Variants in C7orf78 observed in about 807,000 individuals in gnomAD.
C7orf78 encodes the protein chromosome 7 open reading frame 78, also known as putative uncharacterized protein C7orf78.
chr7:12,516,335 G>C, the C7orf78 span, among the ~76,000 whole-genome samples: 1 of 152,304 alleles, frequency 6.6e-6, no homozygotes, highest in African/African-American at 2.4e-5. Flanking sequence ...CAAGAACTGG[G>C]GTTTGGGAAC....
the C7orf78 span, among the ~76,000 whole-genome samples, chr7:12,493,130 A>G: frequency 6.6e-6 from 1 of 152,188 alleles, no homozygotes; most frequent in Admixed American, 6.5e-5. Flanking sequence ...TGATCCCAGG[A>G]GGTTGGAGTG....
At chr7:12,541,037 AAT>A in the C7orf78 span, 1 of 152,194 alleles carries the variant, frequency 6.6e-6, no homozygotes, top group East Asian at 1.9e-4. Flanking sequence ...ATTCTACAGA[AAT>A]CTGCACTCTC....
chr7:12,516,561 G>T, the C7orf78 span, among the ~76,000 whole-genome samples: 1 of 152,170 alleles, frequency 6.6e-6, no homozygotes, highest in African/African-American at 2.4e-5. Context: ...TAGATCCACT[G>T]ACAGCTTGCA....
chr7:12,489,587 G>C, the C7orf78 span, among the ~76,000 whole-genome samples: 1 of 152,002 alleles, frequency 6.6e-6, no homozygotes, highest in East Asian at 1.9e-4. Context: ...CATGATACTG[G>C]TCTAGGGCTT....
chr7:12,539,722 G>A, the C7orf78 span, among the ~76,000 whole-genome samples: 27 of 152,312 alleles, frequency 1.8e-4, no homozygotes, highest in Non-Finnish European at 2.2e-4. Flanking sequence ...AGGTGCTGCA[G>A]TCAAGGAGAT....
At chr7:12,492,281 T>C in the C7orf78 span, among the ~76,000 whole-genome samples, 31,603 of 152,222 alleles carry the variant, frequency 0.21, 3,480 homozygotes, top group Middle Eastern at 0.31. Context: ...AAGACTTCAT[T>C]TGGCTGACCA....
the C7orf78 span, among the ~76,000 whole-genome samples, chr7:12,516,446 G>A: frequency 2.6e-5 from 4 of 152,360 alleles, no homozygotes; most frequent in South Asian, 2.1e-4. Context: ...CTAGGACAGT[G>A]CAGAAGGGTA....
the C7orf78 span, chr7:12,541,922 G>C: frequency 2.2e-4 from 34 of 152,162 alleles, no homozygotes; most frequent in African/African-American, 8.0e-4. Flanking sequence ...CAGGCTTGGA[G>C]AATTTATAGT....
the C7orf78 span, chr7:12,507,029 C>A: frequency 4.6e-6 from 2 of 431,768 alleles, no homozygotes; most frequent in African/African-American, 4.1e-5. Flanking sequence ...AAGGGCCGGG[C>A]GCGGTGTCAC....
chr7:12,498,504 T>C, the C7orf78 span, among the ~76,000 whole-genome samples: 1 of 151,520 alleles, frequency 6.6e-6, no homozygotes, highest in Admixed American at 6.6e-5. Context: ...ATGAAATCAA[T>C]GAAATGAAGG....
chr7:12,510,503 G>A, the C7orf78 span, among the ~76,000 whole-genome samples: 10 of 152,194 alleles, frequency 6.6e-5, no homozygotes. Context: ...ACTGTAGTGA[G>A]AATGTACTAA....
chr7:12,503,638 T>C, the C7orf78 span, among the ~76,000 whole-genome samples: 3 of 152,112 alleles, frequency 2.0e-5, no homozygotes, highest in Non-Finnish European at 2.9e-5. Context: ...CTTTAAGTTT[T>C]AGGGTACATG....
chr7:12,526,817 G>T, the C7orf78 span, among the ~76,000 whole-genome samples: 4 of 150,836 alleles, frequency 2.7e-5, no homozygotes, highest in Admixed American at 2.6e-4. Context: ...ACTCACTTTC[G>T]TAGAAAATGC....
the C7orf78 span, chr7:12,538,358 C>T: frequency 6.6e-6 from 1 of 152,144 alleles, no homozygotes; most frequent in South Asian, 2.1e-4. Flanking sequence ...TCTTTCTGCA[C>T]CTGTCTCAAT....
At chr7:12,489,723 A>T in the C7orf78 span, among the ~76,000 whole-genome samples, 1 of 152,156 alleles carries the variant, frequency 6.6e-6, no homozygotes, top group Non-Finnish European at 1.5e-5. Flanking sequence ...CCAAGACAAA[A>T]AACCACAGGC....
the C7orf78 span, among the ~76,000 whole-genome samples, chr7:12,525,001 T>A: frequency 4.6e-5 from 7 of 152,178 alleles, no homozygotes; most frequent in Non-Finnish European, 8.8e-5. Flanking sequence ...TCAGTATTGT[T>A]ACAAATTAAA....
At chr7:12,489,741 C>G in the C7orf78 span, among the ~76,000 whole-genome samples, 1 of 152,048 alleles carries the variant, frequency 6.6e-6, no homozygotes, top group South Asian at 2.1e-4. Context: ...GGCAAAATTG[C>G]TATGTAGGAC....
the C7orf78 span, among the ~76,000 whole-genome samples, chr7:12,533,930 G>A: frequency 6.6e-6 from 1 of 152,188 alleles, no homozygotes; most frequent in Non-Finnish European, 1.5e-5. Context: ...TCACTGGGAA[G>A]CATACTTCAA....
At chr7:12,508,112 A>G in the C7orf78 span, among the ~76,000 whole-genome samples, 22,011 of 152,184 alleles carry the variant, frequency 0.14, 1,738 homozygotes, top group Middle Eastern at 0.23. Flanking sequence ...ACTGACATGA[A>G]CTGACTGAGA....
Sources: gnomAD v4.1 joint callset for allele counts (sites outside exome capture counted in the v4.1 genomes callset) on GRCh38, gnomAD v4.1.1 for gene constraint, MANE v1.5 for transcripts, NCBI Gene and HGNC (gene_info 2026-07-23, HGNC 2026-07-21) for gene names.